Variants in BMP7 observed in about 807,000 individuals in gnomAD.
The protein encoded by BMP7 is bone morphogenetic protein 7.
Under a neutral mutation model 41.2 loss-of-function variants are expected in BMP7, and 12 were observed. The ratio of observed to expected loss-of-function variants is 0.29; its 90% CI spans 0.19 to 0.47. BMP7 has a LOEUF of 0.47. BMP7 is among the 20% of genes least tolerant of loss of function. The pLI, the probability that BMP7 is intolerant of heterozygous loss-of-function variation, is 0.99. For synonymous variants in BMP7, 248 were observed against 250.0 expected, an observed-to-expected ratio of 0.99 and a Z score of 0.07; for missense variants, 467 against 606.0, an observed-to-expected ratio of 0.77 and a Z score of 2.41.
chr20:57,206,337 A>G (rs1419284837), intron 2 of BMP7, among the ~76,000 whole-genome samples: 1 of 152,138 alleles, frequency 6.6e-6, no homozygotes, highest in Non-Finnish European at 1.5e-5. Flanking sequence ...CGCCAGCCCT[A>G]TGAAATGATC....
chr20:57,265,959 T>G lies in BMP7; in HGVS notation c.164A>C (p.Gln55Pro). 1 of 1,551,008 alleles carries G rather than the reference T, an allele frequency of 6.4e-7. No homozygotes were observed. Among genetic ancestry groups the G allele is most frequent in the Non-Finnish European group, 8.7e-7 (1 of 1,147,220 alleles). The part of the protein sequence containing the change: ...RLRSQERREM[Q>P]REILSILGLP... ...GCCCAAAATGGAGAGGATCTCGCGC[T>G]GCATCTCCCGCCGCTCCTGGCTGCG... is the stretch of plus-strand genomic sequence containing the variant. The change falls in exon 1 of 7, where the codon CAG (glutamine) becomes CCG (proline). Residue 55 changes from glutamine to proline, a missense_variant. Physicochemically the swap from Gln to Pro is moderately conservative, Grantham distance 76. This residue lies in a region of BMP7 where 407 missense variants were observed against 485.9 expected (regional missense o/e 0.84). Transcript: ENST00000395863.
At chr20:57,223,810 G>A (rs1346126532) in intron 2 of BMP7, among the ~76,000 whole-genome samples, 2 of 152,138 alleles carry the variant, frequency 1.3e-5, no homozygotes, top group Non-Finnish European at 2.9e-5. Context: ...ACGCTCATGG[G>A]GGCTAACGGC....
chr20:57,186,863 C>G (rs1462277275), intron 3 of BMP7, among the ~76,000 whole-genome samples: 1 of 152,188 alleles, frequency 6.6e-6, no homozygotes, highest in African/African-American at 2.4e-5. Context: ...TACCTTAACT[C>G]CCTTTAACGT....
At chr20:57,176,308 C>A (rs1175305223) in intron 4 of BMP7, among the ~76,000 whole-genome samples, 1 of 152,144 alleles carries the variant, frequency 6.6e-6, no homozygotes, top group Non-Finnish European at 1.5e-5. Flanking sequence ...TGTTGAGCTC[C>A]TGGATCAACC....
At chr20:57,203,588 A>C (rs1984671211) in intron 2 of BMP7, among the ~76,000 whole-genome samples, 1 of 152,180 alleles carries the variant, frequency 6.6e-6, no homozygotes, top group African/African-American at 2.4e-5. Flanking sequence ...TAGATGAATA[A>C]GAGGGTAAAT....
chr20:57,263,217 G>A (rs576202310), intron 1 of BMP7, among the ~76,000 whole-genome samples: 1 of 152,216 alleles, frequency 6.6e-6, no homozygotes, highest in Non-Finnish European at 1.5e-5. Flanking sequence ...GTCCCAGAAA[G>A]CTAGACCTGA....
intron 2 of BMP7, among the ~76,000 whole-genome samples, chr20:57,222,742 C>T (rs1985217209): frequency 6.6e-6 from 1 of 152,028 alleles, no homozygotes; most frequent in Non-Finnish European, 1.5e-5. Context: ...AAAACCAGAA[C>T]TCATGCCCTG....
intron 3 of BMP7, among the ~76,000 whole-genome samples, chr20:57,201,262 G>T (rs1179502632): frequency 1.3e-5 from 2 of 152,198 alleles, no homozygotes; most frequent in East Asian, 3.8e-4. Flanking sequence ...TCACCTGCAT[G>T]CTGGATGAGA....
At position 57,220,175 on chromosome 20, in the gene BMP7, T is replaced by C. The variant is rs142744633; in HGVS notation, c.611+8054A>G. Among the ~76,000 whole-genome samples, 323 of 152,200 alleles carry C rather than the reference T, an allele frequency of 2.1e-3. 2 individuals are homozygous for C. The East Asian group carries it at 0.026, about 12-fold the overall frequency. ...AAGAAGAACATGGCACCGACAGAGG[T>C]TGCAATAGGAAGACAAAGGAAGAAG... is the stretch of plus-strand genomic sequence containing the variant. On this transcript the variant is annotated intron_variant, in intron 2 of 6. Transcript: ENST00000395863.
chr20:57,209,503 G>C (rs1325672734), intron 2 of BMP7, among the ~76,000 whole-genome samples: 1 of 151,928 alleles, frequency 6.6e-6, no homozygotes, highest in African/African-American at 2.4e-5. Context: ...GACAGGTAGG[G>C]AAAATGGGGG....
At chr20:57,182,477 G>T (rs80162904) in intron 4 of BMP7, among the ~76,000 whole-genome samples, 1 of 152,256 alleles carries the variant, frequency 6.6e-6, no homozygotes, top group Non-Finnish European at 1.5e-5. Context: ...CGAATGCCTG[G>T]TGAATTGTCA....
At chr20:57,191,890 T>C (rs1326283204) in intron 3 of BMP7, among the ~76,000 whole-genome samples, 1 of 134,160 alleles carries the variant, frequency 7.5e-6, no homozygotes, top group African/African-American at 2.9e-5. Flanking sequence ...ATAGTATATA[T>C]AGTATAGATA....
At chr20:57,206,637 G>A (rs546147802) in intron 2 of BMP7, among the ~76,000 whole-genome samples, 5 of 152,310 alleles carry the variant, frequency 3.3e-5, no homozygotes, top group African/African-American at 9.6e-5. Context: ...ATAAGGCAAG[G>A]TTACGCCAGA....
intron 4 of BMP7, among the ~76,000 whole-genome samples, chr20:57,179,763 TTTTTA>T (rs999688637): frequency 2.0e-5 from 3 of 152,134 alleles, no homozygotes; most frequent in African/African-American, 7.2e-5. Context: ...GGCCTCGGTA[TTTTTA>T]TTTTATTTTT....
At chr20:57,260,398 C>T (rs1427762982) in intron 1 of BMP7, among the ~76,000 whole-genome samples, 3 of 152,170 alleles carry the variant, frequency 2.0e-5, no homozygotes, top group Non-Finnish European at 4.4e-5. Flanking sequence ...GTCTCCTCCC[C>T]GCTCCTGGTG....
At chr20:57,254,664 A>T (rs1406176348) in intron 1 of BMP7, among the ~76,000 whole-genome samples, 1 of 152,010 alleles carries the variant, frequency 6.6e-6, no homozygotes, top group African/African-American at 2.4e-5. Flanking sequence ...AAAAAAACAA[A>T]AAACAAAAAC....
At chr20:57,263,179 G>A (rs1020746714) in intron 1 of BMP7, among the ~76,000 whole-genome samples, 1 of 152,226 alleles carries the variant, frequency 6.6e-6, no homozygotes, top group African/African-American at 2.4e-5. Context: ...TCTGTTAAAA[G>A]CCACTCTGCC....
At chr20:57,173,867 G>T (rs976667897) in intron 5 of BMP7, among the ~76,000 whole-genome samples, 2 of 152,086 alleles carry the variant, frequency 1.3e-5, no homozygotes, top group Non-Finnish European at 2.9e-5. Context: ...AACTCATAAT[G>T]GCATCACCCA....
At chr20:57,222,240 C>G (rs1220291618) in intron 2 of BMP7, among the ~76,000 whole-genome samples, 1 of 152,162 alleles carries the variant, frequency 6.6e-6, no homozygotes, top group African/African-American at 2.4e-5. Context: ...CCCGTATGCT[C>G]CCTGTGAAGC....
Sources: allele counts gnomAD v4.1 joint callset (sites outside exome capture counted in the v4.1 genomes callset), GRCh38; gene constraint gnomAD v4.1.1; regional missense constraint gnomAD v4.1.1; transcripts MANE v1.5; gene names NCBI Gene and HGNC (gene_info 2026-07-23, HGNC 2026-07-21).